The following IL37 variants were observed in gnomAD, a reference collection of about 807,000 sequenced individuals.
The protein encoded by IL37 is interleukin 37.
A neutral mutation model predicts 15.4 loss-of-function variants in IL37; 15 were observed. The ratio of observed to expected loss-of-function variants is 0.98; its 90% CI spans 0.65 to 1.50. The LOEUF is 1.50. Among genes scored for constraint, IL37 ranks in the 40% most tolerant of loss-of-function variants. The pLI is 0.00. For synonymous variants in IL37, 98 were observed against 97.4 expected (o/e 1.01, Z -0.03); for missense variants, 269 against 261.7 (o/e 1.03, Z -0.19).
At chr2:112,917,279 C>T (rs370373263) in intron 4 of IL37, 31 bp downstream of exon 4, 1 of 1,612,146 alleles carries the variant, frequency 6.2e-7, no homozygotes, top group Non-Finnish European at 8.5e-7. Flanking sequence ...TGTTTTCTGC[C>T]TCCACCTAGC....
At chr2:112,911,783 C>T (rs548808182) in intron 1 of IL37, among the ~76,000 whole-genome samples, 1 of 152,244 alleles carries the variant, frequency 6.6e-6, no homozygotes, top group African/African-American at 2.4e-5. Flanking sequence ...CTTTGGATAC[C>T]TACGTTTCTG....
Position 112,912,947 on chromosome 2 carries a change from C to T in IL37, c.-50-16C>T, listed in dbSNP as rs1683208308. 4.0e-6 allele frequency: 5 copies of T among 1,245,684 alleles called. No individual in the cohort carries two copies. Among genetic ancestry groups the T allele is most frequent in the Non-Finnish European group, 5.7e-6 (5 of 879,678 alleles). The allele number at this position is 1,245,684 out of a possible 1,614,324, so 77.2% of individuals were successfully genotyped here. The stretch of plus-strand genomic sequence containing the variant: ...GTGAGAAGATGCCATAACTGGTCCC[C>T]TTTCTATCTCCTTAGGTCTTGGACT... On this transcript the variant is annotated splice_polypyrimidine_tract_variant and intron_variant, in intron 1 of 5. Coordinates refer to ENST00000263326, the MANE Select transcript of IL37 (RefSeq NM_014439.4).
At chr2:112,913,128 A>C in intron 2 of IL37, 34 bp downstream of exon 2, 1 of 1,433,084 alleles carries the variant, frequency 7.0e-7, no homozygotes, top group African/African-American at 1.5e-5. Flanking sequence ...CTCAGGGCCA[A>C]AGTGTAATTC....
At chr2:112,915,799 C>T (rs1177790582) in intron 3 of IL37, among the ~76,000 whole-genome samples, 2 of 152,130 alleles carry the variant, frequency 1.3e-5, no homozygotes, top group Admixed American at 6.5e-5. Flanking sequence ...AGAGTGTCCA[C>T]GATGCTTGGG....
At chr2:112,915,116 T>A in intron 3 of IL37, 1 of 1,387,736 alleles carries the variant, frequency 7.2e-7, no homozygotes, top group Non-Finnish European at 1.0e-6. Flanking sequence ...TGAGAAAGAT[T>A]TGGGGTCAAG....
At chr2:112,917,351 A>AGGTG in intron 4 of IL37, 103 bp downstream of exon 4, 1 of 1,356,258 alleles carries the variant, frequency 7.4e-7, no homozygotes, top group East Asian at 2.3e-5. Context: ...CATCTCCAGC[A>AGGTG]GGTGGTGGAA....
intron 2 of IL37, among the ~76,000 whole-genome samples, chr2:112,913,559 C>T (rs2464913): frequency 0.095 from 14,449 of 152,254 alleles, 892 homozygotes; most frequent in African/African-American, 0.16. Flanking sequence ...AAATGATTGT[C>T]TACTGAGGTG....
At chr2:112,915,273 T>A (rs1317327111) in intron 3 of IL37, 1 of 1,609,146 alleles carries the variant, frequency 6.2e-7, no homozygotes, top group Middle Eastern at 1.7e-4. Flanking sequence ...CAAAGTAAAA[T>A]GATGGTGCTA....
At chr2:112,917,356 G>A in intron 4 of IL37, 108 bp downstream of exon 4, 1 of 1,327,182 alleles carries the variant, frequency 7.5e-7, no homozygotes, top group Non-Finnish European at 1.0e-6. Context: ...CCAGCAGGTG[G>A]TGGAAGCGAG....
At chr2:112,917,562 T>G in intron 4 of IL37, 73 bp from the exon 5 acceptor site, 1 of 1,464,442 alleles carries the variant, frequency 6.8e-7, no homozygotes, top group Non-Finnish European at 9.2e-7. Flanking sequence ...GCATCAGGCC[T>G]GAAACCCCAG....
intron 5 of IL37, 75 bp from the exon 6 acceptor site, chr2:112,918,486 G>T: frequency 6.6e-7 from 1 of 1,505,704 alleles, no homozygotes; most frequent in Non-Finnish European, 9.0e-7. Context: ...TAAAGGCCTG[G>T]AGGATGAGCA....
intron 1 of IL37, 103 bp from the exon 2 acceptor site, chr2:112,912,860 A>T (rs2723170): frequency 0.079 from 41,091 of 520,694 alleles, 2,049 homozygotes; most frequent in African/African-American, 0.16. Context: ...CGAGCATTTC[A>T]AACTACAGAG....
chr2:112,916,646 C>A (rs1228143777), intron 3 of IL37, among the ~76,000 whole-genome samples: 1 of 152,168 alleles, frequency 6.6e-6, no homozygotes, highest in Non-Finnish European at 1.5e-5. Context: ...CCACTCTAGG[C>A]ACTGCTGAGG....
chr2:112,912,571 G>T (rs1370860176), intron 1 of IL37, among the ~76,000 whole-genome samples: 1 of 152,138 alleles, frequency 6.6e-6, no homozygotes, highest in Non-Finnish European at 1.5e-5. Context: ...AGCAGCCAGA[G>T]ACAATATGTA....
intron 1 of IL37, among the ~76,000 whole-genome samples, chr2:112,912,478 T>C (rs1259212906): frequency 2.0e-5 from 3 of 152,194 alleles, no homozygotes; most frequent in Non-Finnish European, 2.9e-5. Context: ...CAAACTTCTA[T>C]AGAAGGTGTC....
At position 112,917,675 on chromosome 2, in the gene IL37, T is replaced by C. The variant is rs1387034857; in HGVS notation, c.306T>C (p.Ser102=). The change falls in exon 5 of 6, where the codon TCT becomes TCC. Residue 102 remains serine, a synonymous_variant. Coordinates refer to ENST00000263326, the MANE Select transcript of IL37 (RefSeq NM_014439.4). The stretch of plus-strand genomic sequence containing the variant: ...TAGCCTCATCCTTGAGCTCAGCCTC[T>C]GCGGAGAAAGGAAGTCCGATTCTCC... ...FALASSLSSA[S]AEKGSPILLG... is the part of the protein sequence containing the mutation. 5 of 1,609,740 alleles carry C rather than the reference T, an allele frequency of 3.1e-6. No homozygotes were observed. Among genetic ancestry groups the C allele is most frequent in the Non-Finnish European group, 4.2e-6 (5 of 1,178,284 alleles).
In IL37 at chr2:112,918,590, A is replaced by G; in HGVS notation, c.438A>G (p.Gln146=). Residue 146 remains glutamine, a synonymous_variant, in exon 6 of 6, where the codon CAA becomes CAG. Transcript: ENST00000263326. ...AGAAACTGATGAAGCTGGCTGCCCA[A>G]AAGGAATCAGCACGCCGGCCCTTCA... ...KKEKLMKLAA[Q]KESARRPFIF... 1.2e-6 allele frequency: 2 copies of G among 1,612,622 alleles called. No individual in the cohort carries two copies. The highest frequency in any genetic ancestry group is 1.7e-5 in the Admixed American group (1 of 59,926).
intron 3 of IL37, among the ~76,000 whole-genome samples, chr2:112,914,657 T>A (rs1255879801): frequency 2.0e-5 from 3 of 152,248 alleles, no homozygotes; most frequent in African/African-American, 7.2e-5. Context: ...GTTTTAGTTT[T>A]GTTGTAGTTA....
chr2:112,913,205 T>A, intron 2 of IL37, 111 bp downstream of exon 2: 1 of 625,360 alleles, frequency 1.6e-6, no homozygotes, highest in South Asian at 3.1e-5. Flanking sequence ...GCACAGTAAG[T>A]GAGCTTTCAA....
Sources: allele counts gnomAD v4.1 joint callset (sites outside exome capture counted in the v4.1 genomes callset), GRCh38; gene constraint gnomAD v4.1.1; transcripts MANE v1.5; gene names NCBI Gene and HGNC (gene_info 2026-07-23, HGNC 2026-07-21).